Variants in FCRL4 observed in about 807,000 individuals in gnomAD.
The protein encoded by FCRL4 is Fc receptor like 4, also known as Fc receptor-like protein 4.
A neutral mutation model predicts 64.1 loss-of-function variants in FCRL4; 43 were observed. The ratio of observed to expected loss-of-function variants is 0.67; its 90% CI spans 0.53 to 0.87. The LOEUF (loss-of-function observed/expected upper bound fraction) is 0.87, where lower values mean the gene tolerates loss of function less well. Among genes scored for constraint, FCRL4 ranks in the 40% least tolerant of loss-of-function variants. The pLI, the probability that FCRL4 is intolerant of heterozygous loss-of-function variation, is 0.00. For synonymous variants in FCRL4, 253 were observed against 239.8 expected, an observed-to-expected ratio of 1.05 and a Z score of -0.51; for missense variants, 656 against 613.5, an observed-to-expected ratio of 1.07 and a Z score of -0.73.
chr1:157,597,764 A>G, intron 1 of FCRL4, 150 bp downstream of exon 1: 1 of 586,122 alleles, frequency 1.7e-6, no homozygotes, highest in Non-Finnish European at 3.1e-6. Context: ...TTCCCCTTCT[A>G]CCAGTAAATC....
intron 4 of FCRL4, 120 bp downstream of exon 4, chr1:157,587,745 G>T: frequency 8.6e-7 from 1 of 1,169,210 alleles, no homozygotes. Context: ...CTGCCTCTTA[G>T]AGGATTTGTG....
intron 6 of FCRL4, among the ~76,000 whole-genome samples, chr1:157,585,394 CCTTCT>C (rs1558155163): frequency 7.8e-4 from 59 of 76,080 alleles, no homozygotes; most frequent in South Asian, 4.1e-4. Flanking sequence ...TTCTTTCTTT[CCTTCT>C]TTCTTTCTTT....
At chr1:157,595,345 G>A (rs1240283089) in intron 2 of FCRL4, among the ~76,000 whole-genome samples, 1 of 152,190 alleles carries the variant, frequency 6.6e-6, no homozygotes, top group Non-Finnish European at 1.5e-5. Flanking sequence ...CTGGATGCAG[G>A]GCCATTGGGA....
At chr1:157,595,690 C>T (rs1319851674) in intron 2 of FCRL4, among the ~76,000 whole-genome samples, 1 of 152,228 alleles carries the variant, frequency 6.6e-6, no homozygotes, top group African/African-American at 2.4e-5. Context: ...AGGGGAAGAA[C>T]AGCAGAGTTA....
intron 2 of FCRL4, among the ~76,000 whole-genome samples, chr1:157,596,076 G>A (rs765238641): frequency 1.8e-4 from 27 of 152,144 alleles, no homozygotes; most frequent in Non-Finnish European, 3.1e-4. Flanking sequence ...TCCTCTTCCT[G>A]TGGACGCTGT....
At chr1:157,590,153 G>C (rs980815609) in intron 2 of FCRL4, among the ~76,000 whole-genome samples, 1 of 152,098 alleles carries the variant, frequency 6.6e-6, no homozygotes, top group Admixed American at 6.6e-5. Context: ...ACCAGAGCTT[G>C]CCTCCCCAAC....
rs377332844 is a variant in FCRL4 at position 157,587,548 on chromosome 1, T to A, written c.575A>T (p.His192Leu). The A allele has an allele frequency of 1.9e-6, 3 of 1,613,850 alleles. No individual in the cohort carries two copies. Among genetic ancestry groups the A allele is most frequent in the Admixed American group, 3.3e-5 (2 of 60,020 alleles). The change falls in exon 5 of 12, where the codon CAT (histidine) becomes CTT (leucine). Residue 192 changes from histidine to leucine, a missense_variant. Physicochemically the swap from His to Leu is moderately conservative, Grantham distance 99. Transcript: ENST00000271532. ...AGAGTCTGTAGCTTTCAGCTCTGGA[T>A]GTGGAAATAGTTCTAGAGAGAAGAG... Reference protein sequence around the residue: ...KIIKIQELFPHPELKATDSQP... With the variant: ...KIIKIQELFPLPELKATDSQP...
At position 157,581,635 on chromosome 1, in the gene FCRL4, C is replaced by T. The variant is rs1426525774; in HGVS notation, c.1145G>A (p.Gly382Asp). The stretch of plus-strand genomic sequence containing the variant: ...CGCGGCGACAAGGCCATCTCTGTTG[C>T]CTGGGGTCTCTAAGGGGAAAGGACC... ...VLNVTVRETP[G>D]NRDGLVAAGA... is the part of the protein sequence containing the mutation. The change falls in exon 7 of 12, where the codon GGC (glycine) becomes GAC (aspartate). Residue 382 changes from glycine (G) to aspartate (D), a missense_variant. Transcript: ENST00000271532. 6.2e-7 allele frequency: 1 copy of T among 1,613,550 alleles called. No individual in the cohort carries two copies. The highest frequency in any genetic ancestry group is 1.7e-5 in the Admixed American group (1 of 60,012).
rs72996989 is a variant in FCRL4 at position 157,593,882 on chromosome 1, C to A, written c.52+2446G>T. On this transcript the variant is annotated intron_variant, in intron 2 of 11. Transcript: ENST00000271532. ...CAAATTATTCACTATTAGAAACATT[C>A]ACTCAAACGTCCTTACCAATATAAT... Among the ~76,000 whole-genome samples the A allele has an allele frequency of 6.3e-3, 956 of 152,284 alleles. 10 individuals carry two copies. The highest frequency in any genetic ancestry group is 0.022 in the African/African-American group (916 of 41,558).
chr1:157,587,767 T>C (rs1652736056), intron 4 of FCRL4, 98 bp downstream of exon 4: 2 of 1,282,894 alleles, frequency 1.6e-6, no homozygotes, highest in Admixed American at 4.5e-5. Context: ...CTCTCATCTA[T>C]CCAGAGTTTC....
At chr1:157,585,302 C>A (rs1456025528) in intron 6 of FCRL4, among the ~76,000 whole-genome samples, 1 of 148,632 alleles carries the variant, frequency 6.7e-6, no homozygotes, top group Non-Finnish European at 1.5e-5. Context: ...CTTTCTTTCT[C>A]TTTCCTCCTT....
At chr1:157,589,526 G>C in intron 2 of FCRL4, 68 bp from the exon 3 acceptor site, 19 of 1,569,518 alleles carry the variant, frequency 1.2e-5, no homozygotes, top group Non-Finnish European at 1.5e-5. Flanking sequence ...GGCTTGTGTG[G>C]GTTACAGTGG....
chr1:157,589,054 T>C (rs1040155469), intron 3 of FCRL4, 150 bp downstream of exon 3: 11 of 850,186 alleles, frequency 1.3e-5, no homozygotes, highest in Non-Finnish European at 2.0e-5. Flanking sequence ...TTGAAAAACA[T>C]TTGTAGACAT....
chr1:157,587,738 C>A, intron 4 of FCRL4, 127 bp downstream of exon 4: 1 of 1,139,338 alleles, frequency 8.8e-7, no homozygotes, highest in South Asian at 1.6e-5. Flanking sequence ...ACTTTCTCTG[C>A]CTCTTAGAGG....
intron 10 of FCRL4, among the ~76,000 whole-genome samples, chr1:157,576,051 C>G (rs564737207): frequency 2.6e-4 from 40 of 152,286 alleles, no homozygotes; most frequent in Non-Finnish European, 5.0e-4. Context: ...TCTTAACTTA[C>G]AATACTGTCA....
At chr1:157,590,058 C>T (rs1652805372) in intron 2 of FCRL4, among the ~76,000 whole-genome samples, 1 of 152,140 alleles carries the variant, frequency 6.6e-6, no homozygotes, top group South Asian at 2.1e-4. Context: ...AAGAGGAAGA[C>T]TCTTGACAAC....
chr1:157,590,586 C>T (rs1463154887), intron 2 of FCRL4, among the ~76,000 whole-genome samples: 2 of 149,864 alleles, frequency 1.3e-5, no homozygotes, highest in South Asian at 2.1e-4. Context: ...GGCATGATCT[C>T]GGCTCACTGC....
chr1:157,596,498 T>G (rs565482014), intron 1 of FCRL4, 150 bp from the exon 2 acceptor site: 4 of 805,260 alleles, frequency 5.0e-6, no homozygotes, highest in African/African-American at 3.4e-5. Context: ...GGAAACACAG[T>G]GGCCAGACGC....
chr1:157,578,103 ATG>A (rs1471430321), intron 10 of FCRL4, among the ~76,000 whole-genome samples: 1 of 152,200 alleles, frequency 6.6e-6, no homozygotes, highest in Non-Finnish European at 1.5e-5. Context: ...ATATACATAT[ATG>A]TGTATGTATA....
Sources: gnomAD v4.1 joint callset for allele counts (sites outside exome capture counted in the v4.1 genomes callset) on GRCh38, gnomAD v4.1.1 for gene constraint, MANE v1.5 for transcripts, NCBI Gene and HGNC (gene_info 2026-07-23, HGNC 2026-07-21) for gene names.